The following LRP1B variants were observed in gnomAD, a reference collection of about 807,000 sequenced individuals.
LRP1B encodes low-density lipoprotein receptor-related protein 1B.
Under a neutral mutation model 556.6 loss-of-function variants are expected in LRP1B, and 217 were observed. The ratio of observed to expected loss-of-function variants is 0.39; its 90% confidence interval spans 0.35 to 0.44. LRP1B has a LOEUF of 0.44. Ranked by LOEUF, LRP1B falls within the 20% of genes least tolerant of loss-of-function variation. The pLI is 1.00. For missense variants in LRP1B, 5,053 were observed against 5,620.8 expected (o/e 0.90, Z 3.23); for synonymous variants, 2,047 against 1,865.8 (o/e 1.10, Z -2.50).
Position 140,353,038 on chromosome 2 carries a change from G to A in LRP1B, c.11565C>T (p.Ser3855=), listed in dbSNP as rs1466698063. ...ATCCTTCCACATTTATACATTGATG[G>A]GAACATGTGCCAAACACCAAACATT... ...LNECLVFGTC[S]HQCINVEGSY... Residue 3855 remains serine (S), a synonymous_variant, in exon 76 of 91, where the codon TCC becomes TCT. Coordinates refer to ENST00000389484, the MANE Select transcript of LRP1B (RefSeq NM_018557.3). 1.2e-6 allele frequency: 2 copies of A among 1,612,620 alleles called. No homozygotes were observed. The highest frequency in any genetic ancestry group is 1.7e-5 in the Admixed American group (1 of 59,918).
chr2:141,786,243 G>GAAAGTTAAAAGT (rs1409031725), intron 2 of LRP1B, among the ~76,000 whole-genome samples: 1 of 151,922 alleles, frequency 6.6e-6, no homozygotes, highest in African/African-American at 2.4e-5. Context: ...ACAATAAAAG[G>GAAAGTTAAAAGT]AAAGTGGAAG....
intron 2 of LRP1B, among the ~76,000 whole-genome samples, chr2:141,743,501 C>CTTTTTTTTTT (rs796287062): frequency 9.2e-5 from 11 of 119,034 alleles, no homozygotes; most frequent in East Asian, 2.5e-4. Context: ...TTTTTTTTTT[C>CTTTTTTTTTT]TTTTTTTTTT....
At chr2:140,962,451 C>T (rs937220980) in intron 18 of LRP1B, among the ~76,000 whole-genome samples, 5 of 152,072 alleles carry the variant, frequency 3.3e-5, no homozygotes, top group Non-Finnish European at 7.4e-5. Flanking sequence ...CAATAAAACA[C>T]GATAGTGTTT....
intron 35 of LRP1B, among the ~76,000 whole-genome samples, chr2:140,757,239 G>A (rs989453636): frequency 1.3e-5 from 2 of 152,132 alleles, no homozygotes; most frequent in African/African-American, 4.8e-5. Context: ...AAAACAATCT[G>A]GCGGTTCTTC....
intron 2 of LRP1B, among the ~76,000 whole-genome samples, chr2:141,716,815 TTA>T (rs1197698686): frequency 6.6e-6 from 1 of 152,212 alleles, no homozygotes; most frequent in East Asian, 1.9e-4. Flanking sequence ...GTAAGCCACT[TTA>T]TGAGACACTC....
chr2:140,323,643 T>A (rs1365014508), intron 81 of LRP1B, among the ~76,000 whole-genome samples: 2 of 151,874 alleles, frequency 1.3e-5, no homozygotes, highest in African/African-American at 4.8e-5. Context: ...GAATAACAGA[T>A]TATTGTAAGA....
intron 2 of LRP1B, among the ~76,000 whole-genome samples, chr2:141,708,926 C>T (rs1225685492): frequency 6.6e-6 from 1 of 152,154 alleles, no homozygotes; most frequent in Non-Finnish European, 1.5e-5. Flanking sequence ...TCTTGGACTT[C>T]CAGCCCCTAG....
chr2:140,925,085 T>C (rs924378979), intron 20 of LRP1B, among the ~76,000 whole-genome samples: 27 of 152,078 alleles, frequency 1.8e-4, no homozygotes, highest in African/African-American at 6.5e-4. Context: ...AATACAGAGA[T>C]GATTTAAAGT....
intron 1 of LRP1B, among the ~76,000 whole-genome samples, chr2:142,099,138 C>T (rs1423938408): frequency 6.6e-6 from 1 of 151,820 alleles, no homozygotes; most frequent in Non-Finnish European, 1.5e-5. Flanking sequence ...TTCATCTAAT[C>T]TTCTGTCATA....
chr2:140,383,366 G>T (rs1383624871), intron 67 of LRP1B, among the ~76,000 whole-genome samples: 3 of 151,672 alleles, frequency 2.0e-5, no homozygotes, highest in Non-Finnish European at 4.4e-5. Context: ...TATCTTGATA[G>T]ATTTTAGTAC....
intron 41 of LRP1B, among the ~76,000 whole-genome samples, chr2:140,616,648 T>A (rs993931696): frequency 6.6e-6 from 1 of 151,888 alleles, no homozygotes; most frequent in Non-Finnish European, 1.5e-5. Context: ...TATATGCTGA[T>A]TTTTAAAAGA....
intron 2 of LRP1B, among the ~76,000 whole-genome samples, chr2:141,544,414 T>TCCTCCTCCTC (rs1423875409): frequency 4.4e-5 from 4 of 90,646 alleles, no homozygotes; most frequent in South Asian, 5.0e-4. Flanking sequence ...TCCTCCTCCT[T>TCCTCCTCCTC]CTCCTCCTTC....
At chr2:141,056,750 A>G (rs926435922) in intron 9 of LRP1B, among the ~76,000 whole-genome samples, 4 of 151,846 alleles carry the variant, frequency 2.6e-5, no homozygotes, top group Non-Finnish European at 4.4e-5. Context: ...TTTAAATGTG[A>G]CCTGTCTGTC....
chr2:141,020,003 T>A lies in LRP1B; in HGVS notation c.1889A>T (p.Glu630Val). The change falls in exon 12 of 91, where the codon GAA (glutamate) becomes GTA (valine). Residue 630 changes from glutamate (E) to valine (V), a missense_variant. Glu to Val is a moderately radical substitution (Grantham distance 121). Transcript: ENST00000389484. ...HRKTINVARL[E>V]KASQSRKTLL... The stretch of plus-strand genomic sequence containing the variant: ...AGTCTTCCGACTCTGAGAAGCTTTT[T>A]CCAGCCTGGCCACATTAATGGTTTT... 6.2e-7 allele frequency: 1 copy of A among 1,612,104 alleles called. No individual in the cohort carries two copies.
intron 15 of LRP1B, among the ~76,000 whole-genome samples, chr2:141,002,108 T>A (rs562774737): frequency 6.6e-6 from 1 of 152,000 alleles, no homozygotes; most frequent in East Asian, 1.9e-4. Context: ...AATTAAAAAA[T>A]AATACCACAG....
At chr2:141,068,148 G>A (rs1218841445) in intron 7 of LRP1B, among the ~76,000 whole-genome samples, 2 of 151,996 alleles carry the variant, frequency 1.3e-5, no homozygotes, top group East Asian at 1.9e-4. Flanking sequence ...CAGAAAAATT[G>A]TGTTCTAAAG....
At chr2:142,009,439 A>T (rs1266915553) in intron 1 of LRP1B, among the ~76,000 whole-genome samples, 3 of 152,144 alleles carry the variant, frequency 2.0e-5, no homozygotes, top group Non-Finnish European at 4.4e-5. Flanking sequence ...TTGCATTGAT[A>T]CTTCACATGC....
At chr2:140,725,541 G>T (rs555530745) in intron 35 of LRP1B, among the ~76,000 whole-genome samples, 22 of 129,616 alleles carry the variant, frequency 1.7e-4, no homozygotes, top group Non-Finnish European at 3.1e-4. Context: ...GTCATGGGGT[G>T]GGGGGAGGGG....
chr2:141,434,587 G>A (rs899709385), intron 3 of LRP1B, among the ~76,000 whole-genome samples: 1 of 151,850 alleles, frequency 6.6e-6, no homozygotes, highest in Non-Finnish European at 1.5e-5. Context: ...TACCATTTGG[G>A]GTCTGTCAAT....
Sources: allele counts gnomAD v4.1 joint callset (sites outside exome capture counted in the v4.1 genomes callset), GRCh38; gene constraint gnomAD v4.1.1; transcripts MANE v1.5; gene names NCBI Gene and HGNC (gene_info 2026-07-23, HGNC 2026-07-21).